GPM6A: variants seen among roughly 807,000 people sequenced by gnomAD.
The protein encoded by GPM6A is neuronal membrane glycoprotein M6-a.
A neutral mutation model predicts 32.1 loss-of-function variants in GPM6A; 7 were observed. The ratio of observed to expected loss-of-function variants is 0.22; its 90% CI spans 0.12 to 0.41. The LOEUF is 0.41. Among genes scored for constraint, GPM6A ranks in the 10% least tolerant of loss-of-function variants. The probability of loss-of-function intolerance (pLI) is 1.00; values close to 1 mark genes in which losing one functional copy is unlikely to be tolerated. For synonymous variants in GPM6A, 130 were observed against 123.4 expected (o/e 1.05, Z -0.35); for missense variants, 235 against 347.2 (o/e 0.68, Z 2.57).
intron 1 of GPM6A, among the ~76,000 whole-genome samples, chr4:175,761,480 T>G (rs1424162803): frequency 6.6e-6 from 1 of 152,178 alleles, no homozygotes; most frequent in Non-Finnish European, 1.5e-5. Flanking sequence ...TACTATAACC[T>G]AATGCTATAA....
At chr4:175,755,544 A>C (rs1319677406) in intron 1 of GPM6A, among the ~76,000 whole-genome samples, 1 of 152,200 alleles carries the variant, frequency 6.6e-6, no homozygotes, top group Non-Finnish European at 1.5e-5. Flanking sequence ...TAACACATTA[A>C]ATAGGAAATA....
chr4:175,903,751 A>G (rs1355129541), intron 1 of GPM6A, among the ~76,000 whole-genome samples: 1 of 152,194 alleles, frequency 6.6e-6, no homozygotes, highest in East Asian at 1.9e-4. Flanking sequence ...AAGATTAAAA[A>G]CAATGGTTGA....
chr4:175,835,802 T>C (rs1487124057), intron 1 of GPM6A, among the ~76,000 whole-genome samples: 2 of 148,100 alleles, frequency 1.4e-5, no homozygotes, highest in Non-Finnish European at 3.0e-5. Context: ...ATATATACTT[T>C]ATAAACCTGT....
chr4:175,874,585 G>A (rs886566711), intron 1 of GPM6A, among the ~76,000 whole-genome samples: 1 of 152,028 alleles, frequency 6.6e-6, no homozygotes, highest in Non-Finnish European at 1.5e-5. Flanking sequence ...GACATTTAAT[G>A]GTACCTTAAG....
chr4:175,718,564 C>T (rs978686680), intron 1 of GPM6A, among the ~76,000 whole-genome samples: 10 of 151,940 alleles, frequency 6.6e-5, no homozygotes, highest in Admixed American at 5.9e-4. Context: ...TGCAGTGAGC[C>T]GAGATTGCGC....
At chr4:175,680,261 A>G (rs956826902) in intron 2 of GPM6A, among the ~76,000 whole-genome samples, 1 of 152,130 alleles carries the variant, frequency 6.6e-6, no homozygotes, top group African/African-American at 2.4e-5. Context: ...CGCTACAGGG[A>G]TTTTTATTGC....
chr4:175,816,750 T>C (rs1735112544), upstream of GPM6A, among the ~76,000 whole-genome samples: 1 of 152,246 alleles, frequency 6.6e-6, no homozygotes, highest in Non-Finnish European at 1.5e-5. Context: ...TAGAATGAAA[T>C]GTCTTAGTTG....
intron 1 of GPM6A, among the ~76,000 whole-genome samples, chr4:175,961,029 G>A (rs1740146997): frequency 6.6e-6 from 1 of 152,140 alleles, no homozygotes; most frequent in African/African-American, 2.4e-5. Flanking sequence ...ATAATATTCA[G>A]CATACCAATG....
At chr4:175,969,262 A>G (rs2126418540) in intron 1 of GPM6A, among the ~76,000 whole-genome samples, 1 of 152,310 alleles carries the variant, frequency 6.6e-6, no homozygotes, top group South Asian at 2.1e-4. Context: ...TAGTACAAGG[A>G]GGGAGAGAAG....
intron 1 of GPM6A, chr4:175,906,550 C>T (rs1410795484): frequency 6.6e-6 from 1 of 152,138 alleles, no homozygotes; most frequent in Non-Finnish European, 1.5e-5. Flanking sequence ...GATATTCAGA[C>T]ACACAGCTCT....
intron 1 of GPM6A, among the ~76,000 whole-genome samples, chr4:175,881,051 C>T (rs948737266): frequency 7.2e-5 from 11 of 152,108 alleles, no homozygotes; most frequent in African/African-American, 2.7e-4. Flanking sequence ...TCAGAGTGAA[C>T]AGGCAACCTA....
chr4:175,724,048 G>T (rs1316211952), intron 1 of GPM6A, among the ~76,000 whole-genome samples: 2 of 152,088 alleles, frequency 1.3e-5, no homozygotes, highest in Non-Finnish European at 2.9e-5. Context: ...CAGCAACCAA[G>T]ATATGGGATT....
intron 1 of GPM6A, among the ~76,000 whole-genome samples, chr4:175,951,516 G>A (rs1178717861): frequency 6.6e-6 from 1 of 152,138 alleles, no homozygotes; most frequent in African/African-American, 2.4e-5. Context: ...AATCTCTTGA[G>A]GCTTCAGTGT....
chr4:175,671,477 GAAAAAAAAAAAAAAAA>G (rs544889132), intron 3 of GPM6A, among the ~76,000 whole-genome samples: 106 of 24,414 alleles, frequency 4.3e-3, no homozygotes, highest in African/African-American at 0.016. Context: ...GCCTACAAAC[GAAAAAAAAAAAAAAAA>G]AAAAAAAAAA....
chr4:175,732,422 C>A (rs1731473400), intron 1 of GPM6A, among the ~76,000 whole-genome samples: 1 of 152,022 alleles, frequency 6.6e-6, no homozygotes, highest in South Asian at 2.1e-4. Context: ...AGCTGTATAA[C>A]TTTTAAAAGA....
intron 3 of GPM6A, among the ~76,000 whole-genome samples, chr4:175,656,771 G>T (rs564010697): frequency 6.6e-6 from 1 of 152,282 alleles, no homozygotes; most frequent in African/African-American, 2.4e-5. Context: ...GGCAACTTCA[G>T]CAGATGTGCA....
chr4:175,701,820 T>C, intron 1 of GPM6A, 53 bp from the exon 2 acceptor site: 1 of 1,378,410 alleles, frequency 7.3e-7, no homozygotes, highest in Non-Finnish European at 1.0e-6. Context: ...CTAATTTAAT[T>C]TTTTTTTTCA....
At chr4:175,696,041 G>A (rs947378176) in intron 2 of GPM6A, among the ~76,000 whole-genome samples, 2 of 152,130 alleles carry the variant, frequency 1.3e-5, no homozygotes, top group Non-Finnish European at 2.9e-5. Flanking sequence ...AAGGCAGCAT[G>A]AAAGTAGGTA....
chr4:175,825,231 C>T (rs922881267), intron 1 of GPM6A, among the ~76,000 whole-genome samples: 4 of 152,100 alleles, frequency 2.6e-5, no homozygotes, highest in Non-Finnish European at 4.4e-5. Context: ...GATAATTGTA[C>T]TAGGTTACCT....
Sources: allele counts gnomAD v4.1 joint callset (sites outside exome capture counted in the v4.1 genomes callset), GRCh38; gene constraint gnomAD v4.1.1; transcripts MANE v1.5; gene names NCBI Gene and HGNC (gene_info 2026-07-23, HGNC 2026-07-21).